WWOX: variants seen among roughly 807,000 people sequenced by gnomAD.
WWOX encodes WW domain-containing oxidoreductase.
In WWOX, 69 loss-of-function variants were observed where a neutral mutation model predicts 46.2. That is an observed-to-expected ratio of 1.49 (90% CI 1.23 to 1.82). The LOEUF is 1.82. Ranked by LOEUF, WWOX falls within the 40% of genes most tolerant of loss-of-function variation. WWOX has a pLI of 0.00. For synonymous variants in WWOX, 359 were observed against 202.6 expected, an observed-to-expected ratio of 1.77 and a Z score of -6.56; for missense variants, 919 against 542.6, an observed-to-expected ratio of 1.69 and a Z score of -6.89.
intron 5 of WWOX, among the ~76,000 whole-genome samples, chr16:78,293,215 G>A (rs1165259868): frequency 6.6e-6 from 1 of 152,206 alleles, no homozygotes; most frequent in Non-Finnish European, 1.5e-5. Context: ...TAACTCAGCT[G>A]CCAAACAGGG....
intron 6 of WWOX, among the ~76,000 whole-genome samples, chr16:78,404,237 G>C (rs944935212): frequency 6.6e-6 from 1 of 152,168 alleles, no homozygotes; most frequent in Non-Finnish European, 1.5e-5. Context: ...TGTGATCTTA[G>C]TGTGATGAAA....
chr16:78,479,198 CTG>C (rs2084429115), intron 8 of WWOX, among the ~76,000 whole-genome samples: 1 of 152,218 alleles, frequency 6.6e-6, no homozygotes. Flanking sequence ...TTCTCCATCA[CTG>C]TGTAACTTCA....
intron 8 of WWOX, among the ~76,000 whole-genome samples, chr16:78,888,682 G>A (rs2044520476): frequency 6.6e-6 from 1 of 152,128 alleles, no homozygotes; most frequent in Non-Finnish European, 1.5e-5. Flanking sequence ...ATGCTCTTGT[G>A]GCTGGATGTA....
At chr16:78,691,840 G>C (rs897070505) in intron 8 of WWOX, among the ~76,000 whole-genome samples, 9 of 152,202 alleles carry the variant, frequency 5.9e-5, no homozygotes, top group African/African-American at 1.7e-4. Flanking sequence ...ATCTCAACTT[G>C]AATTGTATCT....
chr16:78,440,112 A>G (rs74030250), intron 8 of WWOX, among the ~76,000 whole-genome samples: 2,382 of 152,294 alleles, frequency 0.016, 60 homozygotes, highest in African/African-American at 0.054. Context: ...TTTTGAGGAA[A>G]AAGGATAGGG....
intron 5 of WWOX, among the ~76,000 whole-genome samples, chr16:78,313,001 G>A (rs7193395): frequency 0.21 from 32,113 of 152,218 alleles, 3,673 homozygotes; most frequent in East Asian, 0.4. Flanking sequence ...GATTGTGAAT[G>A]TTTTCATTCA....
intron 8 of WWOX, among the ~76,000 whole-genome samples, chr16:78,535,879 C>G (rs552458192): frequency 1.3e-4 from 20 of 152,230 alleles, no homozygotes; most frequent in African/African-American, 4.8e-4. Context: ...CTTTCTTGGA[C>G]TCATTTTCCT....
intron 8 of WWOX, among the ~76,000 whole-genome samples, chr16:78,784,757 G>C (rs879596193): frequency 8.0e-4 from 122 of 152,252 alleles, no homozygotes; most frequent in African/African-American, 2.8e-3. Context: ...CTGGAAGAGA[G>C]CACAGTGACT....
chr16:78,484,892 C>T (rs2084590528), intron 8 of WWOX, among the ~76,000 whole-genome samples: 1 of 152,136 alleles, frequency 6.6e-6, no homozygotes, highest in East Asian at 1.9e-4. Flanking sequence ...TACATCAAGG[C>T]TGGGAGGAGG....
At chr16:78,301,205 C>T (rs1221420132) in intron 5 of WWOX, among the ~76,000 whole-genome samples, 1 of 152,128 alleles carries the variant, frequency 6.6e-6, no homozygotes, top group Non-Finnish European at 1.5e-5. Context: ...ATACCTAGTC[C>T]ATAACAAGAT....
At chr16:78,861,064 C>T (rs568893718) in intron 8 of WWOX, among the ~76,000 whole-genome samples, 1 of 152,110 alleles carries the variant, frequency 6.6e-6, no homozygotes, top group Non-Finnish European at 1.5e-5. Flanking sequence ...AAGCAATGTG[C>T]TTGCCTTGGC....
At chr16:79,211,433 C>T (rs187358898) in intron 8 of WWOX, among the ~76,000 whole-genome samples, 175 bp from the exon 9 acceptor site, 2 of 152,302 alleles carry the variant, frequency 1.3e-5, no homozygotes, top group Non-Finnish European at 2.9e-5. Flanking sequence ...CCAGGATAGT[C>T]ACATTATACT....
chr16:78,526,861 G>T (rs189763046), intron 8 of WWOX, among the ~76,000 whole-genome samples: 1 of 152,274 alleles, frequency 6.6e-6, no homozygotes, highest in Admixed American at 6.5e-5. Flanking sequence ...GCCTGGTCTG[G>T]CCTGGCCCAG....
At chr16:78,187,516 T>G (rs2151760065) in intron 5 of WWOX, among the ~76,000 whole-genome samples, 1 of 152,238 alleles carries the variant, frequency 6.6e-6, no homozygotes, top group African/African-American at 2.4e-5. Context: ...GGCAGGAGAA[T>G]TGCTTGAACC....
intron 8 of WWOX, chr16:79,106,805 C>CT (rs75277633): frequency 0.018 from 2,013 of 113,384 alleles, 36 homozygotes; most frequent in African/African-American, 0.024. Flanking sequence ...AACTTTTTTT[C>CT]TTTTTTTTTT....
At chr16:78,696,967 A>G (rs1325537376) in intron 8 of WWOX, among the ~76,000 whole-genome samples, 3 of 151,954 alleles carry the variant, frequency 2.0e-5, no homozygotes, top group Non-Finnish European at 4.4e-5. Context: ...CTCCAGTCCC[A>G]TCCAGGTTGC....
chr16:78,733,298 A>G (rs1487108045), intron 8 of WWOX, among the ~76,000 whole-genome samples: 5 of 152,068 alleles, frequency 3.3e-5, no homozygotes, highest in Non-Finnish European at 5.9e-5. Flanking sequence ...TCTACAAAAA[A>G]TAATAAATTA....
chr16:78,534,100 C>T (rs929259254), intron 8 of WWOX, among the ~76,000 whole-genome samples: 2 of 151,912 alleles, frequency 1.3e-5, no homozygotes, highest in Non-Finnish European at 2.9e-5. Context: ...TCATTGAATC[C>T]CTGAGTTATA....
At chr16:78,594,705 C>T (rs1180900232) in intron 8 of WWOX, among the ~76,000 whole-genome samples, 3 of 152,040 alleles carry the variant, frequency 2.0e-5, no homozygotes, top group Non-Finnish European at 4.4e-5. Flanking sequence ...CACCTTTCTC[C>T]TTTGTCCCTT....
Sources: gnomAD v4.1 joint callset for allele counts (sites outside exome capture counted in the v4.1 genomes callset) on GRCh38, gnomAD v4.1.1 for gene constraint, MANE v1.5 for transcripts, NCBI Gene and HGNC (gene_info 2026-07-23, HGNC 2026-07-21) for gene names.